GRK3: variants seen among roughly 807,000 people sequenced by gnomAD.
GRK3 encodes adrenergic, beta, receptor kinase 2.
In GRK3, 54 loss-of-function variants were observed where a neutral mutation model predicts 95.7. The ratio of observed to expected loss-of-function variants is 0.56; its 90% confidence interval spans 0.45 to 0.71. GRK3 has a LOEUF of 0.71. Ranked by LOEUF, GRK3 falls within the 30% of genes least tolerant of loss-of-function variation. GRK3 has a pLI of 0.00. For synonymous variants in GRK3, 281 were observed against 290.8 expected, an observed-to-expected ratio of 0.97 and a Z score of 0.34; for missense variants, 649 against 851.2, an observed-to-expected ratio of 0.76 and a Z score of 2.96.
chr22:25,647,182 T>TTGGCG, intron 3 of GRK3: 1 of 123,988 alleles, frequency 8.1e-6, no homozygotes, highest in South Asian at 1.7e-4. Flanking sequence ...GGGCCTCACC[T>TTGGCG]CCACCCACCG....
intron 3 of GRK3, among the ~76,000 whole-genome samples, chr22:25,651,295 T>C (rs2084828895): frequency 1.3e-5 from 2 of 152,212 alleles, no homozygotes; most frequent in Non-Finnish European, 2.9e-5. Context: ...AATTAAACCT[T>C]ATACTAGGTT....
chr22:25,620,451 A>G (rs1285976793), intron 2 of GRK3, among the ~76,000 whole-genome samples: 1 of 152,098 alleles, frequency 6.6e-6, no homozygotes, highest in Non-Finnish European at 1.5e-5. Context: ...CTAGTTTCTA[A>G]TTGCCTGCAT....
chr22:25,573,651 C>A (rs929219395), intron 1 of GRK3, among the ~76,000 whole-genome samples: 2 of 152,180 alleles, frequency 1.3e-5, no homozygotes, highest in Non-Finnish European at 2.9e-5. Flanking sequence ...GTAATCCCAG[C>A]ACTTTGGGAG....
intron 2 of GRK3, among the ~76,000 whole-genome samples, chr22:25,629,966 C>T (rs983265391): frequency 6.6e-6 from 1 of 152,086 alleles, no homozygotes. Context: ...TCAGGATCTC[C>T]AATTAGAGTA....
intron 3 of GRK3, among the ~76,000 whole-genome samples, chr22:25,649,496 G>C (rs974489745): frequency 1.2e-4 from 19 of 152,236 alleles, no homozygotes; most frequent in African/African-American, 4.6e-4. Flanking sequence ...GTGATAGCAT[G>C]GTAATGAAGG....
intron 2 of GRK3, among the ~76,000 whole-genome samples, chr22:25,612,568 T>G (rs78299311): frequency 0.023 from 3,445 of 152,190 alleles, 62 homozygotes; most frequent in Middle Eastern, 0.068. Flanking sequence ...TTGAATCCTA[T>G]CTGAATAAAA....
In GRK3 at chr22:25,565,921, G is replaced by T. The variant is rs531496979; in HGVS notation, c.113+768G>T. Among the ~76,000 whole-genome samples, 258 of 152,256 alleles carry T rather than the reference G, an allele frequency of 1.7e-3. 3 individuals are homozygous for T. Among genetic ancestry groups the T allele is most frequent in the Admixed American group, 3.7e-3 (56 of 15,296 alleles). ...AATGGGTGATTCCAGACAGGAATTT[G>T]TTGTTAAATTATCAAAGGAGGGCCC... On this transcript the variant is annotated intron_variant, in intron 1 of 20. Coordinates refer to ENST00000324198, the MANE Select transcript of GRK3 (RefSeq NM_005160.4).
chr22:25,601,281 T>C (rs761675177), intron 1 of GRK3, among the ~76,000 whole-genome samples: 2 of 152,026 alleles, frequency 1.3e-5, no homozygotes, highest in Non-Finnish European at 2.9e-5. Context: ...TATCAACAAA[T>C]CATAAAAGAA....
rs142143960 is a variant in GRK3 at position 25,620,870 on chromosome 22, A to C, written c.190+16417A>C. On this transcript the variant is annotated intron_variant, in intron 2 of 20. Coordinates refer to ENST00000324198, the MANE Select transcript of GRK3 (RefSeq NM_005160.4). ...CAGAGTCCAAATATCAATACAAGACATATCAGTAAGAGGGGGCTTAATAAA... is the reference window on the plus strand; with the variant it reads ...CAGAGTCCAAATATCAATACAAGACCTATCAGTAAGAGGGGGCTTAATAAA... 1.5e-3 allele frequency among the ~76,000 whole-genome samples: 221 copies of C among 152,368 alleles called. 1 individual carries two copies. The highest frequency in any genetic ancestry group is 5.1e-3 in the African/African-American group (211 of 41,590).
intron 15 of GRK3, among the ~76,000 whole-genome samples, chr22:25,709,597 TGTG>T (rs1021640099): frequency 6.1e-5 from 9 of 148,718 alleles, no homozygotes; most frequent in Non-Finnish European, 1.0e-4. Context: ...ATAGAATTAT[TGTG>T]TGTGTGTGTG....
At chr22:25,605,433 G>T (rs1601467330) in intron 2 of GRK3, among the ~76,000 whole-genome samples, 1 of 152,114 alleles carries the variant, frequency 6.6e-6, no homozygotes, top group East Asian at 1.9e-4. Flanking sequence ...GTTCTCCTTT[G>T]CTTCTGATTT....
chr22:25,663,782 C>T (rs2084924665), intron 5 of GRK3, 78 bp downstream of exon 5: 1 of 974,744 alleles, frequency 1.0e-6, no homozygotes, highest in Non-Finnish European at 1.6e-6. Flanking sequence ...TTTGCATGTG[C>T]AATTACACTA....
intron 1 of GRK3, among the ~76,000 whole-genome samples, chr22:25,579,901 C>T (rs542028872): frequency 3.3e-5 from 5 of 152,228 alleles, no homozygotes; most frequent in Admixed American, 1.3e-4. Flanking sequence ...TGTATGATAT[C>T]GCTAAATGAA....
intron 2 of GRK3, among the ~76,000 whole-genome samples, chr22:25,642,475 T>C (rs1193416546): frequency 6.6e-6 from 1 of 152,080 alleles, no homozygotes; most frequent in Non-Finnish European, 1.5e-5. Context: ...TCTGTAAAGA[T>C]TCAGAGGATG....
intron 8 of GRK3, among the ~76,000 whole-genome samples, chr22:25,675,116 C>T (rs528899866): frequency 6.6e-6 from 1 of 152,002 alleles, no homozygotes. Context: ...TAGAAGGGAT[C>T]CTTGACAACT....
intron 2 of GRK3, among the ~76,000 whole-genome samples, chr22:25,619,670 T>G (rs2084566649): frequency 6.8e-6 from 1 of 146,680 alleles, no homozygotes; most frequent in Admixed American, 6.8e-5. Flanking sequence ...TTTTTTTTTT[T>G]TTTTGTAGAG....
intron 9 of GRK3, among the ~76,000 whole-genome samples, chr22:25,683,679 G>A (rs931075605): frequency 3.3e-5 from 5 of 152,176 alleles, no homozygotes; most frequent in East Asian, 1.9e-4. Flanking sequence ...ATCCTCTTAC[G>A]TGAATTGCCT....
chr22:25,604,296 C>A, intron 1 of GRK3, 81 bp from the exon 2 acceptor site: 1 of 1,002,588 alleles, frequency 1.0e-6, no homozygotes, highest in Non-Finnish European at 1.5e-6. Flanking sequence ...GAAGTCAAGA[C>A]ATCCGTATCT....
chr22:25,675,196 C>T (rs1436090764), intron 8 of GRK3, among the ~76,000 whole-genome samples: 1 of 151,958 alleles, frequency 6.6e-6, no homozygotes, highest in Non-Finnish European at 1.5e-5. Flanking sequence ...AAAAGAGAGA[C>T]ATTCTCTTTT....
Sources: gnomAD v4.1 joint callset for allele counts (sites outside exome capture counted in the v4.1 genomes callset) on GRCh38, gnomAD v4.1.1 for gene constraint, MANE v1.5 for transcripts, NCBI Gene and HGNC (gene_info 2026-07-23, HGNC 2026-07-21) for gene names.